Variants in RBM12B observed in about 807,000 individuals in gnomAD.
RBM12B encodes the protein RNA binding motif protein 12B, also known as RNA-binding protein 12B.
RBM12B carries 10 observed loss-of-function variants against 34.3 expected under a neutral mutation model. The ratio of observed to expected loss-of-function variants is 0.29; its 90% confidence interval spans 0.18 to 0.49. The LOEUF (loss-of-function observed/expected upper bound fraction) is 0.49. RBM12B is among the 20% of genes least tolerant of loss of function. The pLI is 0.99. For missense variants in RBM12B, 1,139 were observed against 1,262.7 expected (o/e 0.90, Z 1.48); for synonymous variants, 477 against 437.1 (o/e 1.09, Z -1.14).
In RBM12B at chr8:93,734,474, A is replaced by G. The variant is rs1811936508; in HGVS notation, c.1937T>C (p.Leu646Pro). 1.3e-6 allele frequency: 2 copies of G among 1,598,972 alleles called. No homozygotes were observed. Among genetic ancestry groups the G allele is most frequent in the South Asian group, 1.1e-5 (1 of 90,046 alleles). ...GGGTTGCCTGAAGTCCTCCTCGGGG[A>G]GCTGCCTGAAGTCCTCCGTGGGAGA... ...RRSPTEDFRQ[L>P]PEEDFRQPPE... Residue 646 changes from leucine to proline, a missense_variant, in exon 4 of 4, where the codon CTC becomes CCC. Leu to Pro is a moderately conservative substitution (Grantham distance 98). Coordinates refer to ENST00000520560, the MANE Select transcript of RBM12B (RefSeq NM_001377960.1).
chr8:93,738,190 A>G (rs372437408), intron 2 of RBM12B, among the ~76,000 whole-genome samples: 7 of 152,220 alleles, frequency 4.6e-5, no homozygotes, highest in Admixed American at 2.0e-4. Flanking sequence ...AACTGTTACA[A>G]TTCATCTCAA....
chr8:93,733,896 A>G lies in RBM12B; in HGVS notation c.2515T>C (p.Ser839Pro), dbSNP rs1811880100. The part of the protein sequence containing the change: ...SPQEEDFRCP[S>P]DEDFRQLPEE... ...GGGAGCTGCCTGAAGTCCTCATCAG[A>G]AGGGCATCTAAAATCTTCCTCCTGG... The change falls in exon 4 of 4, where the codon TCT (serine) becomes CCT (proline). Residue 839 changes from serine to proline, a missense_variant. Ser to Pro is a moderately conservative substitution (Grantham distance 74, BLOSUM62 -1). Around this residue, in one of 3 missense-constraint regions of RBM12B, gnomAD observed 863 missense variants for 869.5 expected, o/e 0.99. Coordinates refer to ENST00000520560, the MANE Select transcript of RBM12B (RefSeq NM_001377960.1). The G allele has an allele frequency of 6.2e-7, 1 of 1,611,058 alleles. No individual in the cohort carries two copies. The highest frequency in any genetic ancestry group is 1.1e-5 in the South Asian group (1 of 90,772).
In RBM12B at chr8:93,733,193, G is replaced by T; in HGVS notation, c.*212C>A. 2.9e-6 allele frequency: 1 copy of T among 346,538 alleles called. No individual in the cohort carries two copies. Among genetic ancestry groups the T allele is most frequent in the Non-Finnish European group, 5.1e-6 (1 of 197,154 alleles). 21.5% of individuals were successfully genotyped at this position (346,538 alleles called of 1,614,324 possible). ...TCCCCATCAAAGAAAAAAACAGCAT[G>T]TGTAATTTTAAATTTGAAAAAAAAA... On this transcript the variant is annotated 3_prime_UTR_variant, in exon 4 of 4. Coordinates refer to ENST00000520560, the MANE Select transcript of RBM12B (RefSeq NM_001377960.1).
chr8:93,735,159 T>G lies in RBM12B; in HGVS notation c.1252A>C (p.Lys418Gln), dbSNP rs763215660. ...PFDVTKVEVQ[K>Q]FFADFLLAED... Reference sequence around the variant, plus strand: ...GCAAGAAGAAAGTCTGCAAAGAACTTCTGCACTTCAACTTTTGTAACATCA... The same window carrying G: ...GCAAGAAGAAAGTCTGCAAAGAACTGCTGCACTTCAACTTTTGTAACATCA... The change falls in exon 4 of 4, where the codon AAG becomes CAG. Residue 418 changes from lysine to glutamine, a missense_variant. This residue lies in a region of RBM12B where 863 missense variants were observed against 869.5 expected (regional missense o/e 0.99). Coordinates refer to ENST00000520560, the MANE Select transcript of RBM12B (RefSeq NM_001377960.1). The G allele has an allele frequency of 3.1e-6, 5 of 1,614,154 alleles. No individual in the cohort carries two copies. The highest frequency in any genetic ancestry group is 4.2e-6 in the Non-Finnish European group (5 of 1,180,012).
In RBM12B at chr8:93,728,221, TAAGA is replaced by T. The variant is rs764126979; in HGVS notation, c.*5180_*5183del. ...TTTTAACAGGTATCCACTTGTCGACTAAGAAAGGATCAACAAGCAGAAGATGATG... is the reference window on the plus strand; with the variant it reads ...TTTTAACAGGTATCCACTTGTCGACTAAGGATCAACAAGCAGAAGATGATG... On this transcript the variant is annotated 3_prime_UTR_variant, in exon 4 of 4. Coordinates refer to ENST00000520560, the MANE Select transcript of RBM12B (RefSeq NM_001377960.1). The T allele has an allele frequency of 4.4e-6, 7 of 1,590,390 alleles. No homozygotes were observed. The Admixed American group carries it at 5.4e-5, about 12-fold the overall frequency.
At position 93,735,263 on chromosome 8, in the gene RBM12B, G is replaced by T; in HGVS notation, c.1148C>A (p.Pro383His). ...AGAGTATTTTTGTGAAACATGTCCGGGCCTATCTCTCTCTAGTGACCCTGA... is the reference window on the plus strand; with the variant it reads ...AGAGTATTTTTGTGAAACATGTCCGTGCCTATCTCTCTCTAGTGACCCTGA... ...KRSGSLERDR[P>H]GHVSQKYSQE... The change falls in exon 4 of 4, where the codon CCC (proline) becomes CAC (histidine). Residue 383 changes from proline (P) to histidine (H), a missense_variant. Physicochemically the swap from Pro to His is moderately conservative, Grantham distance 77. Coordinates refer to ENST00000520560, the MANE Select transcript of RBM12B (RefSeq NM_001377960.1). 1 of 1,613,830 alleles carries T rather than the reference G, an allele frequency of 6.2e-7. No homozygotes were observed. Among genetic ancestry groups the T allele is most frequent in the South Asian group, 1.1e-5 (1 of 91,058 alleles).
At position 93,736,123 on chromosome 8, in the gene RBM12B, T is replaced by C. The variant is rs1266331658; in HGVS notation, c.288A>G (p.Pro96=). The C allele has an allele frequency of 6.2e-7, 1 of 1,614,216 alleles. No homozygotes were observed. The highest frequency in any genetic ancestry group is 8.5e-7 in the Non-Finnish European group (1 of 1,180,030). Residue 96 remains proline (P), a synonymous_variant, in exon 4 of 4, where the codon CCA becomes CCG. Coordinates refer to ENST00000520560, the MANE Select transcript of RBM12B (RefSeq NM_001377960.1). ...TGTCAACCCCTGATGTCCCAGATCC[T>C]GGACGCCCTCTTCCTACACGATCAG... The part of the protein sequence containing the change: ...KRTDRVGRGR[P]GSGTSGVDSL...
In RBM12B at chr8:93,728,383, G is replaced by A. The variant is rs1417141282; in HGVS notation, c.*5022C>T. The A allele has an allele frequency of 1.3e-5, 11 of 845,254 alleles. No individual in the cohort carries two copies. The highest frequency in any genetic ancestry group is 2.0e-5 in the Non-Finnish European group (11 of 563,194). The allele number at this position is 845,254 out of a possible 1,614,324, so 52.4% of individuals were successfully genotyped here. A position where few individuals can be genotyped will look rare whatever the true frequency, so the allele number is the denominator to read the frequency against. On this transcript the variant is annotated 3_prime_UTR_variant, in exon 4 of 4. Transcript: ENST00000520560. ...CTTTATACTCACTTTGCTATGTTAA[G>A]CCTCAAAGTGAAGTCCAACTGGAAA... is the stretch of plus-strand genomic sequence containing the variant.
Position 93,734,626 on chromosome 8 carries a change from G to A in RBM12B, c.1785C>T (p.Phe595=). 1 of 1,612,978 alleles carries A rather than the reference G, an allele frequency of 6.2e-7. No homozygotes were observed. The highest frequency in any genetic ancestry group is 8.5e-7 in the Non-Finnish European group (1 of 1,179,580). The change falls in exon 4 of 4, where the codon TTC becomes TTT. Residue 595 remains phenylalanine (F), a synonymous_variant. Coordinates refer to ENST00000520560, the MANE Select transcript of RBM12B (RefSeq NM_001377960.1). ...EDFRRPSEED[F]RRPWEEDFRR... is the part of the protein sequence containing the mutation. ...TGAAATCTTCCTCCCAAGGGCGCCT[G>A]AAGTCCTCCTCAGAAGGCCGCCTGA... is the stretch of plus-strand genomic sequence containing the variant.
chr8:93,739,146 C>A, intron 2 of RBM12B: 1 of 152,190 alleles, frequency 6.6e-6, no homozygotes, highest in East Asian at 1.9e-4. Flanking sequence ...ATTGGCTTAG[C>A]TACTCTTTTT....
intron 2 of RBM12B, among the ~76,000 whole-genome samples, chr8:93,738,027 T>TG (rs1170020982): frequency 2.0e-5 from 3 of 152,160 alleles, no homozygotes; most frequent in African/African-American, 7.2e-5. Flanking sequence ...TCCAAACCTA[T>TG]GGGCTATTGT....
chr8:93,728,272 C>A lies in RBM12B; in HGVS notation c.*5133G>T. The A allele has an allele frequency of 6.3e-7, 1 of 1,588,534 alleles. No individual in the cohort carries two copies. Among genetic ancestry groups the A allele is most frequent in the South Asian group, 1.2e-5 (1 of 85,526 alleles). ...GATGAGGATGACGAGTTAGATGTTA[C>A]AGAAGAAGAAAATTTTCTTAAGTAA... On this transcript the variant is annotated 3_prime_UTR_variant, in exon 4 of 4. Coordinates refer to ENST00000520560, the MANE Select transcript of RBM12B (RefSeq NM_001377960.1).
Position 93,734,933 on chromosome 8 carries a change from T to TC in RBM12B, c.1477dup (p.Glu493GlyfsTer11). On this transcript the variant is annotated frameshift_variant, in exon 4 of 4. Coordinates refer to ENST00000520560, the MANE Select transcript of RBM12B (RefSeq NM_001377960.1). LOFTEE classifies it low-confidence loss of function (END_TRUNC). Reference sequence around the variant, plus strand: ...TGACTGTGAGCGAGCTTGCATTTTTTCACTGGACATCACAGAAAAATTTAC... The same window carrying TC: ...TGACTGTGAGCGAGCTTGCATTTTTTCCACTGGACATCACAGAAAAATTTAC... The TC allele has an allele frequency of 6.2e-7, 1 of 1,614,104 alleles. No individual in the cohort carries two copies. The highest frequency in any genetic ancestry group is 8.5e-7 in the Non-Finnish European group (1 of 1,180,008).
chr8:93,740,653 C>T lies in RBM12B; in HGVS notation c.-102G>A, dbSNP rs1812177592. The T allele has an allele frequency of 2.6e-6, 1 of 380,978 alleles. No individual in the cohort carries two copies. Among genetic ancestry groups the T allele is most frequent in the Non-Finnish European group, 5.2e-6 (1 of 192,570 alleles). 23.6% of individuals were successfully genotyped at this position (380,978 alleles called of 1,614,324 possible). A position where few individuals can be genotyped will look rare whatever the true frequency, so the allele number is the denominator to read the frequency against. ...CCTATGAAATCCTTCGAGATCTTCA[C>T]TCTCAAGATCCCTGGGAAGCGCACA... is the stretch of plus-strand genomic sequence containing the variant. On this transcript the variant is annotated 5_prime_UTR_variant, in exon 2 of 4. In the 5' UTR this introduces an upstream ATG that the reference lacks. Transcript: ENST00000520560.
chr8:93,740,544 T>G (rs925650394), intron 2 of RBM12B, 85 bp downstream of exon 2: 9 of 456,602 alleles, frequency 2.0e-5, no homozygotes, highest in Non-Finnish European at 3.5e-5. Flanking sequence ...TGAAAACACT[T>G]GCCCTTCTCA....
chr8:93,734,057 T>A lies in RBM12B; in HGVS notation c.2354A>T (p.Glu785Val). 1.3e-6 allele frequency: 2 copies of A among 1,586,714 alleles called. No homozygotes were observed. The highest frequency in any genetic ancestry group is 1.1e-5 in the South Asian group (1 of 88,584). The change falls in exon 4 of 4, where the codon GAG (glutamate) becomes GTG (valine). Residue 785 changes from glutamate (E) to valine (V), a missense_variant. Physicochemically the swap from Glu to Val is moderately radical, Grantham distance 121 (BLOSUM62 -2). Around this residue, in one of 3 missense-constraint regions of RBM12B, gnomAD observed 863 missense variants for 869.5 expected, o/e 0.99. Coordinates refer to ENST00000520560, the MANE Select transcript of RBM12B (RefSeq NM_001377960.1). ...CTCCTGAGGCGGCCGCCTGAAATGC[T>A]CCTGGGGCGGTCTCCGGAAGTGCTC... ...PPEHFRRPPQ[E>V]HFRRPPQEHF...
chr8:93,735,642 T>G lies in RBM12B; in HGVS notation c.769A>C (p.Arg257=). Residue 257 remains arginine (R), a synonymous_variant, in exon 4 of 4, where the codon AGA becomes CGA. Transcript: ENST00000520560. Reference sequence around the variant, plus strand: ...CGAAAATGTCTATCATTAATTCCTCTTGGTGGAGAATGTTCTTCAGATCTC... The same window carrying G: ...CGAAAATGTCTATCATTAATTCCTCGTGGTGGAGAATGTTCTTCAGATCTC... ...LRRSEEHSPP[R]GINDRHFRKR... is the part of the protein sequence containing the mutation. 6.2e-7 allele frequency: 1 copy of G among 1,614,162 alleles called. No homozygotes were observed. The highest frequency in any genetic ancestry group is 8.5e-7 in the Non-Finnish European group (1 of 1,180,012).
chr8:93,740,739 G>T lies in RBM12B; in HGVS notation c.-145-43C>A, dbSNP rs1464968207. ...GTCGGTGTTTTAGCAAGAAAAGAGG[G>T]TGCCCTAACGGCAGGAGCTACGCTA... On this transcript the variant is annotated intron_variant, in intron 1 of 3. Coordinates refer to ENST00000520560, the MANE Select transcript of RBM12B (RefSeq NM_001377960.1). 1.7e-4 allele frequency: 61 copies of T among 355,370 alleles called. No homozygotes were observed. In the East Asian group the frequency reaches 4.2e-3, roughly 25 times the overall value. The allele number at this position is 355,370 out of a possible 1,614,324, so 22.0% of individuals were successfully genotyped here.
rs28361868 is a variant in RBM12B, at chr8:93,734,347, C to T, written c.2064G>A (p.Gln688=). Residue 688 remains glutamine, a synonymous_variant, in exon 4 of 4, where the codon CAG becomes CAA. Transcript: ENST00000520560. ...CCTCGGGTGGTCGCCTCCATTCTCC[C>T]TGAAGAGGCCGCCTAAAGTCCTCCT... is the stretch of plus-strand genomic sequence containing the variant. The part of the protein sequence containing the change: ...PPEEDFRRPL[Q]GEWRRPPEDD... 6.2e-7 allele frequency: 1 copy of T among 1,611,200 alleles called. No homozygotes were observed. Among genetic ancestry groups the T allele is most frequent in the Non-Finnish European group, 8.5e-7 (1 of 1,179,142 alleles).
Sources: allele counts gnomAD v4.1 joint callset (sites outside exome capture counted in the v4.1 genomes callset), GRCh38; gene constraint gnomAD v4.1.1; regional missense constraint gnomAD v4.1.1; transcripts MANE v1.5; gene names NCBI Gene and HGNC (gene_info 2026-07-23, HGNC 2026-07-21).